The following FRY variants were observed in gnomAD, a reference collection of about 807,000 sequenced individuals.
FRY encodes protein furry homolog.
A neutral mutation model predicts 348.4 loss-of-function variants in FRY; 128 were observed. The ratio of observed to expected loss-of-function variants is 0.37; its 90% confidence interval spans 0.32 to 0.43. The LOEUF (loss-of-function observed/expected upper bound fraction) is 0.43, where lower values mean the gene tolerates loss of function less well. Among genes scored for constraint, FRY ranks in the 20% least tolerant of loss-of-function variants. FRY has a pLI of 1.00. For synonymous variants in FRY, 1,370 were observed against 1,374.7 expected (o/e 1.00, Z 0.08); for missense variants, 2,736 against 3,695.2 (o/e 0.74, Z 6.73).
At chr13:32,099,657 AT>A (rs1248133261) in intron 2 of FRY, among the ~76,000 whole-genome samples, 1 of 152,076 alleles carries the variant, frequency 6.6e-6, no homozygotes, top group Non-Finnish European at 1.5e-5. Flanking sequence ...TCTACCAGAT[AT>A]GTAAAAATTT....
At position 32,247,406 on chromosome 13, in the gene FRY, C is replaced by G. The variant is rs1244468728; in HGVS notation, c.6912C>G (p.His2304Gln). The change falls in exon 48 of 61, where the codon CAC (histidine) becomes CAG (glutamine). Residue 2304 changes from histidine (H) to glutamine (Q), a missense_variant. Physicochemically the swap from His to Gln is conservative, Grantham distance 24. Coordinates refer to ENST00000542859, the MANE Select transcript of FRY (RefSeq NM_023037.3). ...SASLVLPSYQ[H>Q]SDLSKIEIHR... ...GCCTTGTTTTACCTTCATACCAGCA[C>G]AGTGACCTCTCAAAAATAGAAATAC... is the stretch of plus-strand genomic sequence containing the variant. 3 of 1,612,846 alleles carry G rather than the reference C, an allele frequency of 1.9e-6. No individual in the cohort carries two copies. The African/African-American group carries it at 4.0e-5, about 22-fold the overall frequency.
At position 32,054,030 on chromosome 13, in the gene FRY, A is replaced by G. The variant is rs548048169; in HGVS notation, c.70+22165A>G. On this transcript the variant is annotated intron_variant, in intron 1 of 60. Transcript: ENST00000542859. ...TAAAACAATAAAAGATGCTTTGTTA[A>G]ATGAAAATAGTTGTTTACTTTCATT... is the stretch of plus-strand genomic sequence containing the variant. 2.6e-5 allele frequency among the ~76,000 whole-genome samples: 4 copies of G among 152,318 alleles called. No homozygotes were observed. In the East Asian group the frequency reaches 7.7e-4, roughly 29 times the overall value.
Position 32,237,630 on chromosome 13 carries a change from C to CAT in FRY, c.6063_6064dup (p.Ser2022TyrfsTer4). On this transcript the variant is annotated frameshift_variant, in exon 44 of 61. Transcript: ENST00000542859. LOFTEE classifies it high-confidence loss of function. This position sits in a 1 kb window ranked among gnomAD's most constrained non-coding sequence, Gnocchi z 6.3. ...GGCCTCTCCTCAAAAACCAGAAGCT[C>CAT]ATCCTCCTTGAAGGACAGTCTCACG... 6.2e-7 allele frequency: 1 copy of CAT among 1,614,142 alleles called. No individual in the cohort carries two copies. Among genetic ancestry groups the CAT allele is most frequent in the South Asian group, 1.1e-5 (1 of 91,062 alleles).
chr13:32,277,398 T>C (rs1368841091), intron 57 of FRY, among the ~76,000 whole-genome samples: 1 of 152,222 alleles, frequency 6.6e-6, no homozygotes, highest in Non-Finnish European at 1.5e-5. Context: ...TATCATTTCC[T>C]GAGTCCTTTT....
intron 17 of FRY, among the ~76,000 whole-genome samples, chr13:32,166,170 A>G (rs1233714896): frequency 2.0e-5 from 3 of 152,248 alleles, no homozygotes. Flanking sequence ...GAGCCAAATC[A>G]GCTTTTCAGA....
intron 58 of FRY, among the ~76,000 whole-genome samples, chr13:32,288,569 T>C (rs1566197878): frequency 6.6e-6 from 1 of 152,252 alleles, no homozygotes; most frequent in Non-Finnish European, 1.5e-5. Flanking sequence ...ATTCTTGTGA[T>C]TTCTCTCCTT....
At chr13:32,181,575 CAAAAAA>C (rs35272711) in intron 23 of FRY, among the ~76,000 whole-genome samples, 1 of 59,038 alleles carries the variant, frequency 1.7e-5, no homozygotes, top group Non-Finnish European at 3.2e-5. Context: ...ACTCCGTCAC[CAAAAAA>C]AAAAAAAAAA....
At chr13:32,092,104 A>G (rs1566065971) in intron 2 of FRY, among the ~76,000 whole-genome samples, 1 of 152,238 alleles carries the variant, frequency 6.6e-6, no homozygotes, top group Non-Finnish European at 1.5e-5. Flanking sequence ...ATATCCATGT[A>G]ACAAAACTGC....
At position 32,289,706 on chromosome 13, in the gene FRY, T is replaced by C; in HGVS notation, c.8543T>C (p.Leu2848Pro). Residue 2848 changes from leucine (L) to proline (P), a missense_variant, in exon 59 of 61, where the codon CTC becomes CCC. By Grantham distance (98) the Leu-to-Pro change is moderately conservative (BLOSUM62 -3). This residue lies in a region of FRY where 157 missense variants were observed against 215.2 expected (regional missense o/e 0.73). Coordinates refer to ENST00000542859, the MANE Select transcript of FRY (RefSeq NM_023037.3). ...TTGCTTTTTCAGTCCTACTGTAAGC[T>C]CATCGGCCAGGTGCACGAAGTTAGC... ...LLLLFQSYCK[L>P]IGQVHEVSSM... 6.2e-7 allele frequency: 1 copy of C among 1,612,534 alleles called. No individual in the cohort carries two copies. The highest frequency in any genetic ancestry group is 8.5e-7 in the Non-Finnish European group (1 of 1,178,508).
chr13:32,104,864 T>G (rs1025283723), intron 3 of FRY, among the ~76,000 whole-genome samples: 1 of 152,222 alleles, frequency 6.6e-6, no homozygotes, highest in African/African-American at 2.4e-5. Context: ...TCTTGCCTGC[T>G]GCCATTGTAA....
chr13:32,296,446 C>A lies in FRY; in HGVS notation c.*986C>A, dbSNP rs2072064121. The A allele has an allele frequency of 6.6e-6, 1 of 152,500 alleles. No homozygotes were observed. Among genetic ancestry groups the A allele is most frequent in the Non-Finnish European group, 1.5e-5 (1 of 68,008 alleles). The allele number at this position is 152,500 out of a possible 1,614,324, so 9.4% of individuals were successfully genotyped here. On this transcript the variant is annotated 3_prime_UTR_variant, in exon 61 of 61. Coordinates refer to ENST00000542859, the MANE Select transcript of FRY (RefSeq NM_023037.3). ...ATATGTAAAGGGCCATTCTTAAGTT[C>A]TCTCCTTAAACTTAATGCTGTCAAG...
chr13:32,123,203 A>G (rs1419387266), intron 4 of FRY, among the ~76,000 whole-genome samples: 2 of 152,242 alleles, frequency 1.3e-5, no homozygotes, highest in African/African-American at 2.4e-5. Context: ...TAAAATTCAT[A>G]TGGAACCAAA....
chr13:32,086,625 G>A (rs567063597), intron 2 of FRY, among the ~76,000 whole-genome samples: 6 of 151,992 alleles, frequency 3.9e-5, no homozygotes, highest in African/African-American at 7.2e-5. Context: ...AAATGTCATC[G>A]GGAAGAAGAA....
At chr13:32,218,144 A>G (rs915714664) in intron 35 of FRY, among the ~76,000 whole-genome samples, 1 of 152,202 alleles carries the variant, frequency 6.6e-6, no homozygotes, top group African/African-American at 2.4e-5. Context: ...CATGTTATTC[A>G]GTATCATGCC....
intron 58 of FRY, among the ~76,000 whole-genome samples, chr13:32,285,721 A>G (rs930361624): frequency 6.6e-6 from 1 of 152,228 alleles, no homozygotes; most frequent in Non-Finnish European, 1.5e-5. Context: ...TAAATCCCAT[A>G]GTAGCAAATG....
At chr13:32,107,403 A>G (rs1877629085) in intron 3 of FRY, among the ~76,000 whole-genome samples, 1 of 152,216 alleles carries the variant, frequency 6.6e-6, no homozygotes, top group Admixed American at 6.5e-5. Context: ...AAATGACAAG[A>G]TGTCTAAACA....
At chr13:32,167,320 T>C (rs1473027189) in intron 17 of FRY, among the ~76,000 whole-genome samples, 2 of 152,150 alleles carry the variant, frequency 1.3e-5, no homozygotes, top group African/African-American at 4.8e-5. Context: ...GTCAGCAGGG[T>C]TGTGTCCTGC....
rs1372502029 is a variant in FRY at position 32,161,158 on chromosome 13, C to A, written c.1799C>A (p.Pro600Gln). Residue 600 changes from proline to glutamine, a missense_variant, in exon 17 of 61, where the codon CCA (proline) becomes CAA (glutamine). Transcript: ENST00000542859. Reference protein sequence around the residue: ...PEDMITGERKPKIDLFRTCVA... With the variant: ...PEDMITGERKQKIDLFRTCVA... The stretch of plus-strand genomic sequence containing the variant: ...TCTAATTCTAGGGGTGAGAGAAAGC[C>A]AAAAATAGATCTTTTCAGGACCTGT... 1 of 1,611,060 alleles carries A rather than the reference C, an allele frequency of 6.2e-7. No individual in the cohort carries two copies.
At chr13:32,173,302 A>C (rs375024104) in intron 18 of FRY, 65 bp from the exon 19 acceptor site, 3 of 1,236,662 alleles carry the variant, frequency 2.4e-6, no homozygotes, top group African/African-American at 1.5e-5. Context: ...TATGTAAAAC[A>C]TGAGTGTATT....
Sources: gnomAD v4.1 joint callset for allele counts (sites outside exome capture counted in the v4.1 genomes callset) on GRCh38, gnomAD v4.1.1 for gene constraint, gnomAD v4.1.1 regional missense constraint, Gnocchi (gnomAD v3.1) non-coding constraint, MANE v1.5 for transcripts, NCBI Gene and HGNC (gene_info 2026-07-23, HGNC 2026-07-21) for gene names.